Variants in RPSA2 observed in about 807,000 individuals in gnomAD.
RPSA2 encodes the protein small ribosomal subunit protein uS2B.
the RPSA2 span, among the ~76,000 whole-genome samples, chr19:23,796,402 T>C: frequency 7.8e-6 from 1 of 127,864 alleles, no homozygotes; most frequent in Non-Finnish European, 1.6e-5. Flanking sequence ...TGCATGAATG[T>C]TGAAAGATAT....
chr19:23,853,498 C>T, the RPSA2 span, among the ~76,000 whole-genome samples: 15 of 152,170 alleles, frequency 9.9e-5, no homozygotes, highest in East Asian at 3.9e-4. Flanking sequence ...ACAGGTGTTT[C>T]CAATTTCCAT....
the RPSA2 span, among the ~76,000 whole-genome samples, chr19:23,764,489 T>A: frequency 1.3e-5 from 2 of 152,198 alleles, no homozygotes; most frequent in African/African-American, 4.8e-5. Context: ...GTAAACACTT[T>A]TTTATTGGAG....
the RPSA2 span, among the ~76,000 whole-genome samples, chr19:23,794,654 T>G: frequency 6.6e-6 from 1 of 152,230 alleles, no homozygotes; most frequent in Non-Finnish European, 1.5e-5. Context: ...ACTGTGTTGA[T>G]AGTTTCCTTT....
At chr19:23,861,240 C>T in the RPSA2 span, among the ~76,000 whole-genome samples, 2 of 152,146 alleles carry the variant, frequency 1.3e-5, no homozygotes, top group South Asian at 4.2e-4. Flanking sequence ...GGCATTGGCC[C>T]TACCCAAAGC....
At chr19:23,828,155 C>A in the RPSA2 span, 1 of 646,436 alleles carries the variant, frequency 1.5e-6, no homozygotes. Flanking sequence ...AATTATGAGT[C>A]TATAAATGAC....
At chr19:23,798,140 T>C in the RPSA2 span, among the ~76,000 whole-genome samples, 1 of 152,214 alleles carries the variant, frequency 6.6e-6, no homozygotes, top group African/African-American at 2.4e-5. Flanking sequence ...AAGGTTATTC[T>C]TATTATTTTT....
chr19:23,832,836 G>A, the RPSA2 span: 1 of 1,576,266 alleles, frequency 6.3e-7, no homozygotes, highest in Non-Finnish European at 8.7e-7. Context: ...CTTTCAGCCA[G>A]TCCTCAACCC....
At chr19:23,813,025 T>C in the RPSA2 span, among the ~76,000 whole-genome samples, 1 of 152,076 alleles carries the variant, frequency 6.6e-6, no homozygotes, top group South Asian at 2.1e-4. Flanking sequence ...GCCCAAAAGA[T>C]TGAGACCAGC....
At chr19:23,814,216 T>TAAAAA in the RPSA2 span, among the ~76,000 whole-genome samples, 1 of 143,604 alleles carries the variant, frequency 7.0e-6, no homozygotes, top group Admixed American at 6.9e-5. Flanking sequence ...CATTTCAAAA[T>TAAAAA]AAAAAAAAAA....
At chr19:23,858,764 G>C in the RPSA2 span, among the ~76,000 whole-genome samples, 1 of 152,192 alleles carries the variant, frequency 6.6e-6, no homozygotes, top group African/African-American at 2.4e-5. Flanking sequence ...CAGATGTAGA[G>C]TAAGAAGCAG....
At chr19:23,780,874 C>T in the RPSA2 span, among the ~76,000 whole-genome samples, 2 of 152,212 alleles carry the variant, frequency 1.3e-5, no homozygotes, top group South Asian at 2.1e-4. Context: ...CAAAGATTGT[C>T]ATCCACTTAA....
the RPSA2 span, among the ~76,000 whole-genome samples, chr19:23,766,142 C>CTTTTTTTTTTTTTTTTTTTTTTTTTTTT: frequency 9.2e-5 from 4 of 43,260 alleles, 2 homozygotes; most frequent in Non-Finnish European, 1.0e-4. Flanking sequence ...TATTTCATTT[C>CTTTTTTTTTTTTTTTTTTTTTTTTTTTT]CTTTTTTTTT....
At chr19:23,849,904 C>T in the RPSA2 span, among the ~76,000 whole-genome samples, 2 of 152,106 alleles carry the variant, frequency 1.3e-5, no homozygotes, top group East Asian at 1.9e-4. Context: ...TATGGGGTAT[C>T]TCCTATTGCT....
the RPSA2 span, among the ~76,000 whole-genome samples, chr19:23,851,354 G>C: frequency 6.6e-6 from 1 of 152,166 alleles, no homozygotes; most frequent in African/African-American, 2.4e-5. Context: ...ATTGACATGA[G>C]TGAGATTGGA....
chr19:23,869,384 CTG>C, the RPSA2 span, among the ~76,000 whole-genome samples: 1 of 149,382 alleles, frequency 6.7e-6, no homozygotes, highest in African/African-American at 2.5e-5. Flanking sequence ...ATTTATGTAA[CTG>C]GTGTGCTAAC....
the RPSA2 span, among the ~76,000 whole-genome samples, chr19:23,867,759 G>A: frequency 6.6e-6 from 1 of 151,248 alleles, no homozygotes; most frequent in African/African-American, 2.4e-5. Flanking sequence ...GAACCCGGGA[G>A]GCAGAGCTTG....
chr19:23,803,145 T>C, the RPSA2 span, among the ~76,000 whole-genome samples: 1 of 151,462 alleles, frequency 6.6e-6, no homozygotes, highest in Non-Finnish European at 1.5e-5. Flanking sequence ...CTGAAAATAC[T>C]CCCCAGTGGC....
the RPSA2 span, among the ~76,000 whole-genome samples, chr19:23,863,370 C>A: frequency 6.6e-6 from 1 of 152,082 alleles, no homozygotes; most frequent in Admixed American, 6.6e-5. Context: ...TCAAGACCAG[C>A]CTGGCCAACA....
the RPSA2 span, among the ~76,000 whole-genome samples, chr19:23,852,153 A>G: frequency 6.6e-6 from 1 of 152,214 alleles, no homozygotes; most frequent in Admixed American, 6.5e-5. Flanking sequence ...GGATTCTTCT[A>G]TGAATTGCAG....
Sources: allele counts gnomAD v4.1 joint callset (sites outside exome capture counted in the v4.1 genomes callset), GRCh38; gene constraint gnomAD v4.1.1; transcripts MANE v1.5; gene names NCBI Gene and HGNC (gene_info 2026-07-23, HGNC 2026-07-21).